Variants in C2CD2 observed in about 807,000 individuals in gnomAD.
C2CD2 encodes the protein C2 calcium dependent domain containing 2, also known as C2 domain-containing protein 2.
A neutral mutation model predicts 74.3 loss-of-function variants in C2CD2; 43 were observed. The observed-to-expected ratio is 0.58, with a 90% CI of 0.45 to 0.75. The LOEUF (loss-of-function observed/expected upper bound fraction) is 0.75. C2CD2 is among the 30% of genes least tolerant of loss of function. The pLI is 0.00. For synonymous variants in C2CD2, 422 were observed against 390.7 expected (o/e 1.08, Z -0.94); for missense variants, 801 against 916.3 (o/e 0.87, Z 1.63).
intron 1 of C2CD2, among the ~76,000 whole-genome samples, chr21:41,951,107 C>T (rs1008640413): frequency 6.6e-6 from 1 of 152,126 alleles, no homozygotes; most frequent in East Asian, 1.9e-4. Flanking sequence ...CCATCACTGT[C>T]ACAACAGCGA....
intron 3 of C2CD2, among the ~76,000 whole-genome samples, chr21:41,919,534 T>C (rs2065132739): frequency 6.6e-6 from 1 of 152,350 alleles, no homozygotes; most frequent in African/African-American, 2.4e-5. Flanking sequence ...TGCTGTGCTT[T>C]GCATTTCTCC....
chr21:41,890,282 G>A (rs143669996), intron 13 of C2CD2, among the ~76,000 whole-genome samples: 17 of 152,264 alleles, frequency 1.1e-4, no homozygotes, highest in East Asian at 7.7e-4. Context: ...TGTGTGGTTC[G>A]ATGTATCTGC....
At chr21:41,890,828 G>A (rs2064744038) in intron 13 of C2CD2, among the ~76,000 whole-genome samples, 1 of 152,172 alleles carries the variant, frequency 6.6e-6, no homozygotes, top group African/African-American at 2.4e-5. Flanking sequence ...ACCTGCCTAT[G>A]AATCTTTGTA....
rs2064870234 is a variant in C2CD2 at position 41,899,718 on chromosome 21, C to A, written c.1561-356G>T. ...CCGTCCTTCAGAGTCCACGACAGCA[C>A]AAAGGAAATGGCCGTGGGTGTTTCG... On this transcript the variant is annotated intron_variant, in intron 12 of 13. Transcript: ENST00000380486. The surrounding 1 kb of genome is among the most constrained non-coding windows in gnomAD (Gnocchi z 4.4). Among the ~76,000 whole-genome samples the A allele has an allele frequency of 1.3e-5, 2 of 152,122 alleles. 1 individual carries two copies. The highest frequency in any genetic ancestry group is 4.2e-4 in the South Asian group (2 of 4,818).
intron 2 of C2CD2, among the ~76,000 whole-genome samples, chr21:41,938,828 G>A (rs912001366): frequency 2.7e-5 from 4 of 145,962 alleles, no homozygotes; most frequent in South Asian, 2.2e-4. Flanking sequence ...TGCAACCTCC[G>A]CCTCCCAGGT....
rs1388259421 is a variant in C2CD2 at position 41,924,421 on chromosome 21, C to CAGAAA, written c.379-2337_379-2336insTTTCT. ...AATATTGGCAGAAAGTCGTGCAACT[C>CAGAAA]TTTCTACCGGTTCTTATAACGCCAC... On this transcript the variant is annotated intron_variant, in intron 2 of 13. Coordinates refer to ENST00000380486, the MANE Select transcript of C2CD2 (RefSeq NM_015500.2). This position sits in a 1 kb window ranked among gnomAD's most constrained non-coding sequence, Gnocchi z 4.4. Among the ~76,000 whole-genome samples the CAGAAA allele has an allele frequency of 2.0e-5, 3 of 152,224 alleles. No homozygotes were observed. Among genetic ancestry groups the CAGAAA allele is most frequent in the African/African-American group, 7.2e-5 (3 of 41,448 alleles).
Position 41,926,411 on chromosome 21 carries a change from G to A in C2CD2, c.379-4326C>T, listed in dbSNP as rs898490480. The A allele has an allele frequency of 3.6e-5, 35 of 983,612 alleles. No individual in the cohort carries two copies. The highest frequency in any genetic ancestry group is 7.0e-5 in the African/African-American group (4 of 57,174). 60.9% of individuals were successfully genotyped at this position (983,612 alleles called of 1,614,324 possible). On this transcript the variant is annotated intron_variant, in intron 2 of 13. Coordinates refer to ENST00000380486, the MANE Select transcript of C2CD2 (RefSeq NM_015500.2). This position sits in a 1 kb window ranked among gnomAD's most constrained non-coding sequence, Gnocchi z 8.0. Reference sequence around the variant, plus strand: ...GCCAAGGGGGGACTCACGGTTGGCAGGTGAGGGTTTGGGTCGGGGAGCCCT... The same window carrying A: ...GCCAAGGGGGGACTCACGGTTGGCAAGTGAGGGTTTGGGTCGGGGAGCCCT...
chr21:41,942,054 G>A, intron 2 of C2CD2, 93 bp downstream of exon 2: 3 of 1,480,110 alleles, frequency 2.0e-6, no homozygotes, highest in South Asian at 1.3e-5. Context: ...TAGTGTAAGG[G>A]TTCCGCATTT....
rs140022230 is a variant in C2CD2, at chr21:41,905,754, C to T, written c.1402G>A (p.Val468Ile). The change falls in exon 11 of 14, where the codon GTC becomes ATC. Residue 468 changes from valine to isoleucine, a missense_variant. Coordinates refer to ENST00000380486, the MANE Select transcript of C2CD2 (RefSeq NM_015500.2). ...TCTGAAGAAGAGAGTGTTTTGCTGA[C>T]GGGGGCGCTGCGGCAGGCGATGGCC... The part of the protein sequence containing the change: ...VQAIACRSAP[V>I]SKTLSSSDTE... 2,535 of 1,609,422 alleles carry T rather than the reference C, an allele frequency of 1.6e-3. 24 individuals carry two copies. In the Admixed American group the frequency reaches 0.023, roughly 14 times the overall value.
At chr21:41,948,870 C>CATTTTTTTT (rs2065424447) in intron 1 of C2CD2, among the ~76,000 whole-genome samples, 2 of 80,686 alleles carry the variant, frequency 2.5e-5, no homozygotes, top group East Asian at 6.5e-4. Context: ...CACACAGCAT[C>CATTTTTTTT]TTTTTTTTTT....
At chr21:41,894,672 A>G (rs1357797461) in intron 13 of C2CD2, 1 of 456,820 alleles carries the variant, frequency 2.2e-6, no homozygotes, top group Non-Finnish European at 4.4e-6. Flanking sequence ...CCAGAGAGGC[A>G]TGCAGGGGGC....
chr21:41,952,524 C>T (rs2065458445), intron 1 of C2CD2, among the ~76,000 whole-genome samples: 1 of 152,258 alleles, frequency 6.6e-6, no homozygotes, highest in African/African-American at 2.4e-5. Context: ...CCCACCCAGG[C>T]TCCAACTTCT....
rs183862831 is a variant in C2CD2, at chr21:41,903,346, G to A, written c.1433-1597C>T. 2.9e-4 allele frequency among the ~76,000 whole-genome samples: 44 copies of A among 152,280 alleles called. No homozygotes were observed. Among genetic ancestry groups the A allele is most frequent in the Admixed American group, 2.4e-3 (37 of 15,306 alleles). On this transcript the variant is annotated intron_variant, in intron 11 of 13. Coordinates refer to ENST00000380486, the MANE Select transcript of C2CD2 (RefSeq NM_015500.2). This position sits in a 1 kb window ranked among gnomAD's most constrained non-coding sequence, Gnocchi z 4.5. ...AGTGGGACAAAAGTGTGGTAACCTG[G>A]GGACCCACTATTTGCACCTGACATC...
Position 41,889,040 on chromosome 21 carries a change from T to C in C2CD2, c.*84A>G. 2.0e-6 allele frequency: 2 copies of C among 982,958 alleles called. No homozygotes were observed. Among genetic ancestry groups the C allele is most frequent in the African/African-American group, 1.6e-5 (1 of 62,656 alleles). 60.9% of individuals were successfully genotyped at this position (982,958 alleles called of 1,614,324 possible). On this transcript the variant is annotated 3_prime_UTR_variant, in exon 14 of 14. Coordinates refer to ENST00000380486, the MANE Select transcript of C2CD2 (RefSeq NM_015500.2). ...GCAAGACAAGCGGGGCATCTGGACA[T>C]CCGGCGGACACACTGGCTGCGTCCT...
chr21:41,934,376 C>T (rs2065288594), intron 2 of C2CD2, among the ~76,000 whole-genome samples: 1 of 152,176 alleles, frequency 6.6e-6, no homozygotes, highest in Admixed American at 6.5e-5. Flanking sequence ...CTGCAGTGAG[C>T]AGTGTCTGTG....
chr21:41,921,999 G>A lies in C2CD2; in HGVS notation c.465C>T (p.Asp155=). ...PALGAGCRLY[D]MRLSPFHLQL... ...GTAAATGGAAAGGGGAGAGCCGCAT[G>A]TCGTACAGCCGGCATCCAGCACCCA... Residue 155 remains aspartate (D), a synonymous_variant, in exon 3 of 14, where the codon GAC becomes GAT. Transcript: ENST00000380486. 1 of 1,613,380 alleles carries A rather than the reference G, an allele frequency of 6.2e-7. No homozygotes were observed. The highest frequency in any genetic ancestry group is 8.5e-7 in the Non-Finnish European group (1 of 1,179,350).
chr21:41,918,808 C>A (rs539960705), intron 4 of C2CD2, 48 bp downstream of exon 4: 2 of 1,408,344 alleles, frequency 1.4e-6, no homozygotes, highest in South Asian at 1.2e-5. Flanking sequence ...TCCTAACACA[C>A]GTGCGTTCTC....
intron 10 of C2CD2, 94 bp downstream of exon 10, chr21:41,906,898 G>A (rs539505076): frequency 6.6e-6 from 6 of 913,270 alleles, no homozygotes; most frequent in Admixed American, 2.1e-5. Context: ...AACACTCGGC[G>A]CTGCAGGCTC....
At chr21:41,889,401 AC>A (rs2064722056) in intron 13 of C2CD2, 57 bp from the exon 14 acceptor site, 1 of 1,209,992 alleles carries the variant, frequency 8.3e-7, no homozygotes. Flanking sequence ...GGGCTGAATG[AC>A]TGGTCCAATC....
Sources: gnomAD v4.1 joint callset for allele counts (sites outside exome capture counted in the v4.1 genomes callset) on GRCh38, gnomAD v4.1.1 for gene constraint, Gnocchi (gnomAD v3.1) non-coding constraint, MANE v1.5 for transcripts, NCBI Gene and HGNC (gene_info 2026-07-23, HGNC 2026-07-21) for gene names.